Variants in VEPH1 observed in about 807,000 individuals in gnomAD.
VEPH1 encodes the protein ventricular zone-expressed PH domain-containing protein homolog 1.
VEPH1 carries 80 observed loss-of-function variants against 85.2 expected under a neutral mutation model. The ratio of observed to expected loss-of-function variants is 0.94; its 90% CI spans 0.78 to 1.13. The LOEUF (loss-of-function observed/expected upper bound fraction) is 1.13. VEPH1 is among the 50% of genes most tolerant of loss of function. VEPH1 has a pLI of 0.00. For missense variants in VEPH1, 955 were observed against 980.5 expected (o/e 0.97, Z 0.35); for synonymous variants, 297 against 348.0 (o/e 0.85, Z 1.63).
chr3:157,359,201 C>T (rs1476520055), intron 9 of VEPH1, among the ~76,000 whole-genome samples: 1 of 152,144 alleles, frequency 6.6e-6, no homozygotes, highest in East Asian at 1.9e-4. Context: ...CTTTATAGAA[C>T]TTCAGTTATG....
chr3:157,455,427 C>CTTT (rs35417902), intron 4 of VEPH1, among the ~76,000 whole-genome samples: 1 of 150,460 alleles, frequency 6.6e-6, no homozygotes, highest in African/African-American at 2.4e-5. Context: ...CCTTTGCCGC[C>CTTT]TTTTTTTTTC....
chr3:157,417,628 A>G (rs1202784878), intron 5 of VEPH1, among the ~76,000 whole-genome samples: 1 of 152,154 alleles, frequency 6.6e-6, no homozygotes, highest in Non-Finnish European at 1.5e-5. Context: ...CCCATGACCC[A>G]GCTACATGGC....
chr3:157,449,869 G>A (rs1159545072), intron 4 of VEPH1, among the ~76,000 whole-genome samples: 1 of 151,348 alleles, frequency 6.6e-6, no homozygotes, highest in Non-Finnish European at 1.5e-5. Flanking sequence ...ATTCTCAAAA[G>A]CTACATTTCC....
chr3:157,356,096 A>G (rs1577426025), intron 9 of VEPH1, among the ~76,000 whole-genome samples: 1 of 151,952 alleles, frequency 6.6e-6, no homozygotes, highest in Admixed American at 6.6e-5. Flanking sequence ...AAGCAGTTTC[A>G]CCATACTGCC....
chr3:157,467,885 A>G (rs1736538197), intron 3 of VEPH1, among the ~76,000 whole-genome samples: 1 of 152,270 alleles, frequency 6.6e-6, no homozygotes. Flanking sequence ...AAACTCATTT[A>G]CACTGTCTTG....
chr3:157,369,179 T>TAAAAAAAAAAAAAAAAA (rs1560000948), intron 7 of VEPH1, among the ~76,000 whole-genome samples: 2 of 15,054 alleles, frequency 1.3e-4, no homozygotes, highest in Admixed American at 1.1e-3. Flanking sequence ...AAAAACCAAA[T>TAAAAAAAAAAAAAAAAA]GAAAAAAAAA....
At chr3:157,300,966 C>A (rs541160280) in intron 11 of VEPH1, among the ~76,000 whole-genome samples, 1 of 152,356 alleles carries the variant, frequency 6.6e-6, no homozygotes, top group East Asian at 1.9e-4. Context: ...CCACTTCTCT[C>A]AAGAACTCTT....
At chr3:157,428,216 G>A (rs9289983) in intron 5 of VEPH1, 106 bp downstream of exon 5, 587,716 of 1,205,104 alleles carry the variant, frequency 0.49, 147,854 homozygotes, top group Admixed American at 0.6. Context: ...AAAAAAATGG[G>A]CATTTGTAAA....
chr3:157,480,538 G>GA (rs1318321074), intron 2 of VEPH1, among the ~76,000 whole-genome samples: 1 of 151,854 alleles, frequency 6.6e-6, no homozygotes, highest in Non-Finnish European at 1.5e-5. Context: ...ACTTATAAGT[G>GA]AAAAAAGTAT....
intron 4 of VEPH1, among the ~76,000 whole-genome samples, chr3:157,448,878 C>G (rs1382441060): frequency 5.3e-5 from 8 of 152,174 alleles, no homozygotes; most frequent in Non-Finnish European, 8.8e-5. Context: ...GGGAGGGACC[C>G]AGTGGGAGAT....
At chr3:157,282,731 ACT>A (rs1716295251) in intron 12 of VEPH1, among the ~76,000 whole-genome samples, 1 of 152,156 alleles carries the variant, frequency 6.6e-6, no homozygotes, top group African/African-American at 2.4e-5. Context: ...CAGCTGACTA[ACT>A]CTTACTGTCA....
At position 157,260,959 on chromosome 3, in the gene VEPH1, G is replaced by T. The variant is rs1286912575; in HGVS notation, c.*175C>A. ...TGAAGTCAATACTAAAGCTGTTAGA[G>T]TATGACATTTACTAAGAATCCTGCC... On this transcript the variant is annotated 3_prime_UTR_variant, in exon 14 of 14. Coordinates refer to ENST00000362010, the MANE Select transcript of VEPH1 (RefSeq NM_001167912.2). The T allele has an allele frequency of 2.5e-6, 2 of 790,944 alleles. No individual in the cohort carries two copies. The highest frequency in any genetic ancestry group is 4.0e-6 in the Non-Finnish European group (2 of 501,898). 49.0% of individuals were successfully genotyped at this position (790,944 alleles called of 1,614,324 possible). A position where few individuals can be genotyped will look rare whatever the true frequency, so the allele number is the denominator to read the frequency against.
At chr3:157,308,747 A>C (rs568825273) in intron 11 of VEPH1, among the ~76,000 whole-genome samples, 2 of 152,248 alleles carry the variant, frequency 1.3e-5, no homozygotes, top group African/African-American at 4.8e-5. Flanking sequence ...ATTTCCAATC[A>C]GGAACGTGGT....
intron 12 of VEPH1, among the ~76,000 whole-genome samples, chr3:157,282,607 A>T (rs1716279759): frequency 6.6e-6 from 1 of 152,206 alleles, no homozygotes; most frequent in Admixed American, 6.5e-5. Context: ...GTAGGGTGTA[A>T]GAACAAAGGC....
chr3:157,375,575 T>A (rs1727999572), intron 7 of VEPH1, among the ~76,000 whole-genome samples: 1 of 152,220 alleles, frequency 6.6e-6, no homozygotes, highest in Non-Finnish European at 1.5e-5. Flanking sequence ...GAATGTAGGA[T>A]AAATGGAATT....
chr3:157,272,611 C>A (rs1714851142), intron 12 of VEPH1, among the ~76,000 whole-genome samples: 1 of 140,934 alleles, frequency 7.1e-6, no homozygotes, highest in South Asian at 2.4e-4. Flanking sequence ...GCACGTGTCA[C>A]CACATCTGGC....
chr3:157,488,991 C>T (rs879490563), intron 2 of VEPH1: 1 of 305,192 alleles, frequency 3.3e-6, no homozygotes, highest in Non-Finnish European at 6.9e-6. Context: ...ATCACATGCA[C>T]ATACTTCAGC....
At chr3:157,360,132 C>G (rs1725883171) in intron 9 of VEPH1, among the ~76,000 whole-genome samples, 1 of 152,122 alleles carries the variant, frequency 6.6e-6, no homozygotes, top group African/African-American at 2.4e-5. Context: ...TATTGTTGAG[C>G]AATCTTAGGA....
chr3:157,390,878 C>A (rs750252531), intron 6 of VEPH1, among the ~76,000 whole-genome samples: 1 of 152,238 alleles, frequency 6.6e-6, no homozygotes, highest in African/African-American at 2.4e-5. Flanking sequence ...GCTGTAACAT[C>A]CCCTCGGGGC....
Sources: gnomAD v4.1 joint callset for allele counts (sites outside exome capture counted in the v4.1 genomes callset) on GRCh38, gnomAD v4.1.1 for gene constraint, MANE v1.5 for transcripts, NCBI Gene and HGNC (gene_info 2026-07-23, HGNC 2026-07-21) for gene names.